HES7: variants seen among roughly 807,000 people sequenced by gnomAD.
HES7 encodes the protein hes family bHLH transcription factor 7.
A neutral mutation model predicts 18.0 loss-of-function variants in HES7; 8 were observed. The observed-to-expected ratio is 0.45, with a 90% confidence interval of 0.26 to 0.80. HES7 has a LOEUF of 0.80. Among genes scored for constraint, HES7 ranks in the 30% least tolerant of loss-of-function variants. HES7 has a pLI of 0.18. For missense variants in HES7, 356 were observed against 340.9 expected, an observed-to-expected ratio of 1.04 and a Z score of -0.35; for synonymous variants, 170 against 158.6, an observed-to-expected ratio of 1.07 and a Z score of -0.54.
At position 8,121,489 on chromosome 17, in the gene HES7, C is replaced by T; in HGVS notation, c.*82G>A. On this transcript the variant is annotated 3_prime_UTR_variant, in exon 4 of 4. Coordinates refer to ENST00000541682, the MANE Select transcript of HES7 (RefSeq NM_001165967.2). Reference sequence around the variant, plus strand: ...ACTGCCCTCCCCAACACCTGCTCGCCCGGACGCCCGGGTCCCTCTGCTGCC... The same window carrying T: ...ACTGCCCTCCCCAACACCTGCTCGCTCGGACGCCCGGGTCCCTCTGCTGCC... 1.6e-6 allele frequency: 2 copies of T among 1,214,516 alleles called. No individual in the cohort carries two copies. The highest frequency in any genetic ancestry group is 2.1e-6 in the Non-Finnish European group (2 of 963,144). 75.2% of individuals were successfully genotyped at this position (1,214,516 alleles called of 1,614,324 possible).
upstream of HES7, among the ~76,000 whole-genome samples, chr17:8,126,341 G>A (rs1325668692): frequency 6.6e-6 from 1 of 152,016 alleles, no homozygotes; most frequent in African/African-American, 2.4e-5. Flanking sequence ...TCTGGTGTTG[G>A]TGGTCTCCTC....
chr17:8,126,100 C>CG (rs1568016836), upstream of HES7, among the ~76,000 whole-genome samples: 8 of 152,096 alleles, frequency 5.3e-5, no homozygotes, highest in South Asian at 1.7e-3. Flanking sequence ...CGGCCCCCCG[C>CG]GGGGGAAGGG....
chr17:8,123,174 G>A lies in HES7; in HGVS notation c.43-48C>T, dbSNP rs1362376415. The A allele has an allele frequency of 2.1e-6, 3 of 1,458,920 alleles. No homozygotes were observed. Among genetic ancestry groups the A allele is most frequent in the East Asian group, 2.5e-5 (1 of 40,760 alleles). The allele number at this position is 1,458,920 out of a possible 1,614,324, so 90.4% of individuals were successfully genotyped here. ...AGCGGGCCGACCAGACCGAGACTCA[G>A]TGCGGCCGCCCCGGCGTCGGATCCC... On this transcript the variant is annotated intron_variant, in intron 1 of 3. Transcript: ENST00000541682. This position sits in a 1 kb window ranked among gnomAD's most constrained non-coding sequence, Gnocchi z 5.9.
In HES7 at chr17:8,122,531, GC is replaced by G; in HGVS notation, c.139-102del. 1 of 823,614 alleles carries G rather than the reference GC, an allele frequency of 1.2e-6. No individual in the cohort carries two copies. Among genetic ancestry groups the G allele is most frequent in the Admixed American group, 2.1e-5 (1 of 46,728 alleles). The allele number at this position is 823,614 out of a possible 1,614,324, so 51.0% of individuals were successfully genotyped here. A position where few individuals can be genotyped will look rare whatever the true frequency, so the allele number is the denominator to read the frequency against. On this transcript the variant is annotated intron_variant, in intron 2 of 3. Transcript: ENST00000541682. This position sits in a 1 kb window ranked among gnomAD's most constrained non-coding sequence, Gnocchi z 6.9. ...AGGGACGGATGCGGGAGCTGGTGGT[GC>G]CCCCGATCGCATTTGCGCACTGCCC... is the stretch of plus-strand genomic sequence containing the variant.
upstream of HES7, chr17:8,124,232 AGAG>A (rs2151854921): frequency 3.2e-6 from 3 of 948,286 alleles, no homozygotes; most frequent in Non-Finnish European, 3.3e-6. Flanking sequence ...GCTCCCGGAA[AGAG>A]GAGGAGTGAA....
At chr17:8,124,177 C>T, upstream of HES7, 1 of 1,470,928 alleles carries the variant, frequency 6.8e-7, no homozygotes, top group Non-Finnish European at 9.4e-7. Context: ...CCCGACCCCG[C>T]CCCCTTCGAC....
In HES7 at chr17:8,122,452, G is replaced by A. The variant is rs1242394354; in HGVS notation, c.139-22C>T. The A allele has an allele frequency of 6.6e-7, 1 of 1,523,226 alleles. No individual in the cohort carries two copies. 94.4% of individuals were successfully genotyped at this position (1,523,226 alleles called of 1,614,324 possible). A position where few individuals can be genotyped will look rare whatever the true frequency, so the allele number is the denominator to read the frequency against. On this transcript the variant is annotated intron_variant, in intron 2 of 3. Transcript: ENST00000541682. This position sits in a 1 kb window ranked among gnomAD's most constrained non-coding sequence, Gnocchi z 6.9. ...GGTTCTACAGACGGGAGGGGAGGGC[G>A]CAGAGACAGAAAGGGGTGGGGAGAA...
rs1050996657 is a variant in HES7 at position 8,122,783 on chromosome 17, G to A, written c.138+248C>T. Among the ~76,000 whole-genome samples, 12 of 152,190 alleles carry A rather than the reference G, an allele frequency of 7.9e-5. No individual in the cohort carries two copies. The highest frequency in any genetic ancestry group is 1.8e-4 in the Non-Finnish European group (12 of 68,026). ...AACCGGACACTTAGAGACCCAAAGG[G>A]TGAAACTGACCGACCCCGGGAGCGA... On this transcript the variant is annotated intron_variant, in intron 2 of 3. Coordinates refer to ENST00000541682, the MANE Select transcript of HES7 (RefSeq NM_001165967.2). The surrounding 1 kb of genome is among the most constrained non-coding windows in gnomAD (Gnocchi z 6.9).
rs557491759 is a variant in HES7 at position 8,122,692 on chromosome 17, G to A, written c.139-262C>T. On this transcript the variant is annotated intron_variant, in intron 2 of 3. Coordinates refer to ENST00000541682, the MANE Select transcript of HES7 (RefSeq NM_001165967.2). The surrounding 1 kb of genome is among the most constrained non-coding windows in gnomAD (Gnocchi z 6.9). ...GAGGAGATTTGAAACCGCAACCCAG[G>A]GAATGAAATTAACCACCCGACATAA... Among the ~76,000 whole-genome samples, 3 of 152,262 alleles carry A rather than the reference G, an allele frequency of 2.0e-5. No individual in the cohort carries two copies. The highest frequency in any genetic ancestry group is 3.9e-4 in the East Asian group (2 of 5,184).
Position 8,124,068 on chromosome 17 carries a change from C to A in HES7, c.17G>T (p.Arg6Leu). MVTRD[R>L]AENRDGPKML... is the part of the protein sequence containing the mutation. ...CTTGGGGCCGTCCCTATTCTCAGCT[C>A]GATCCCGGGTGACCATTGCTCCTCC... Residue 6 changes from arginine to leucine, a missense_variant, in exon 1 of 4, where the codon CGA becomes CTA. Coordinates refer to ENST00000541682, the MANE Select transcript of HES7 (RefSeq NM_001165967.2). 1 of 1,614,072 alleles carries A rather than the reference C, an allele frequency of 6.2e-7. No homozygotes were observed. The highest frequency in any genetic ancestry group is 8.5e-7 in the Non-Finnish European group (1 of 1,180,026).
chr17:8,122,494 G>C lies in HES7; in HGVS notation c.139-64C>G, dbSNP rs889206497. Reference sequence around the variant, plus strand: ...TGGGGAGAAAGGGGGAAAGTGGCAGGGGGAAGAAGGGAGGGACGGATGCGG... The same window carrying C: ...TGGGGAGAAAGGGGGAAAGTGGCAGCGGGAAGAAGGGAGGGACGGATGCGG... On this transcript the variant is annotated intron_variant, in intron 2 of 3. Transcript: ENST00000541682. This position sits in a 1 kb window ranked among gnomAD's most constrained non-coding sequence, Gnocchi z 6.9. 6.1e-6 allele frequency: 7 copies of C among 1,141,446 alleles called. No individual in the cohort carries two copies. The highest frequency in any genetic ancestry group is 9.0e-6 in the Non-Finnish European group (7 of 776,030). The allele number at this position is 1,141,446 out of a possible 1,614,324, so 70.7% of individuals were successfully genotyped here. A position where few individuals can be genotyped will look rare whatever the true frequency, so the allele number is the denominator to read the frequency against.
chr17:8,124,174 C>A, upstream of HES7: 1 of 1,511,360 alleles, frequency 6.6e-7, no homozygotes, highest in Non-Finnish European at 9.1e-7. Context: ...GGACCCGACC[C>A]CGCCCCCTTC....
chr17:8,121,488 C>T lies in HES7; in HGVS notation c.*83G>A. On this transcript the variant is annotated 3_prime_UTR_variant, in exon 4 of 4. Transcript: ENST00000541682. ...CACTGCCCTCCCCAACACCTGCTCG[C>T]CCGGACGCCCGGGTCCCTCTGCTGC... The T allele has an allele frequency of 8.3e-7, 1 of 1,210,158 alleles. No homozygotes were observed. The highest frequency in any genetic ancestry group is 1.0e-6 in the Non-Finnish European group (1 of 959,162). The allele number at this position is 1,210,158 out of a possible 1,614,324, so 75.0% of individuals were successfully genotyped here.
Position 8,122,373 on chromosome 17 carries a change from A to G in HES7, c.196T>C (p.Leu66=). 6.3e-7 allele frequency: 1 copy of G among 1,598,682 alleles called. No individual in the cohort carries two copies. The highest frequency in any genetic ancestry group is 1.1e-5 in the South Asian group (1 of 88,260). Residue 66 remains leucine (L), a synonymous_variant, in exon 3 of 4, where the codon TTG becomes CTG. Coordinates refer to ENST00000541682, the MANE Select transcript of HES7 (RefSeq NM_001165967.2). This position sits in a 1 kb window ranked among gnomAD's most constrained non-coding sequence, Gnocchi z 6.9. ...AEILEFAVGY[L]RERSRVEPPA... is the part of the protein sequence containing the mutation. ...GGCTCCACCCGGCTTCGCTCCCTCA[A>G]GTAGCCCACGGCGAACTCCAATATC...
chr17:8,125,237 CG>C (rs1981549053), upstream of HES7, among the ~76,000 whole-genome samples: 1 of 152,132 alleles, frequency 6.6e-6, no homozygotes, highest in Non-Finnish European at 1.5e-5. Context: ...CAGACCGAGA[CG>C]GAAGACAGCT....
chr17:8,123,318 G>T lies in HES7; in HGVS notation c.43-192C>A. ...GCCCCTAGATCAGTTTCTGTAGCTCGCCTCCCCGGATCTTCGCATTCTCCT... is the reference window on the plus strand; with the variant it reads ...GCCCCTAGATCAGTTTCTGTAGCTCTCCTCCCCGGATCTTCGCATTCTCCT... On this transcript the variant is annotated intron_variant, in intron 1 of 3. Transcript: ENST00000541682. The surrounding 1 kb of genome is among the most constrained non-coding windows in gnomAD (Gnocchi z 5.9). The T allele has an allele frequency of 1.6e-6, 1 of 607,826 alleles. No homozygotes were observed. The highest frequency in any genetic ancestry group is 2.8e-5 in the East Asian group (1 of 36,178). 37.7% of individuals were successfully genotyped at this position (607,826 alleles called of 1,614,324 possible). A position where few individuals can be genotyped will look rare whatever the true frequency, so the allele number is the denominator to read the frequency against.
In HES7 at chr17:8,124,090, C is replaced by T. The variant is rs373443343; in HGVS notation, c.-6G>A. On this transcript the variant is annotated 5_prime_UTR_variant, in exon 1 of 4. Coordinates refer to ENST00000541682, the MANE Select transcript of HES7 (RefSeq NM_001165967.2). ...GCTCGATCCCGGGTGACCATTGCTC[C>T]TCCGGACCCTGTGTGGACCGGTTCC... is the stretch of plus-strand genomic sequence containing the variant. 1.2e-6 allele frequency: 2 copies of T among 1,613,984 alleles called. No individual in the cohort carries two copies. Among genetic ancestry groups the T allele is most frequent in the African/African-American group, 1.3e-5 (1 of 74,940 alleles).
rs992960584 is a variant in HES7, at chr17:8,123,648, T to C, written c.42+395A>G. 2.1e-4 allele frequency: 81 copies of C among 390,616 alleles called. No homozygotes were observed. The highest frequency in any genetic ancestry group is 1.6e-3 in the African/African-American group (77 of 49,026). 24.2% of individuals were successfully genotyped at this position (390,616 alleles called of 1,614,324 possible). A position where few individuals can be genotyped will look rare whatever the true frequency, so the allele number is the denominator to read the frequency against. On this transcript the variant is annotated intron_variant, in intron 1 of 3. Coordinates refer to ENST00000541682, the MANE Select transcript of HES7 (RefSeq NM_001165967.2). The surrounding 1 kb of genome is among the most constrained non-coding windows in gnomAD (Gnocchi z 5.9). The stretch of plus-strand genomic sequence containing the variant: ...GGAACCAACGCCCCGGGACCTTCTG[T>C]ACAAGACCGCCTTGGGCCAGCCCCG...
In HES7 at chr17:8,123,840, C is replaced by T. The variant is rs1981486711; in HGVS notation, c.42+203G>A. ...ACCGAGGCCCCTAGTCCTATGTTCCCGCCGCCCACTCAGGTCTGGCTCTGA... is the reference window on the plus strand; with the variant it reads ...ACCGAGGCCCCTAGTCCTATGTTCCTGCCGCCCACTCAGGTCTGGCTCTGA... On this transcript the variant is annotated intron_variant, in intron 1 of 3. Transcript: ENST00000541682. This position sits in a 1 kb window ranked among gnomAD's most constrained non-coding sequence, Gnocchi z 5.9. Among the ~76,000 whole-genome samples the T allele has an allele frequency of 6.6e-6, 1 of 152,216 alleles. No individual in the cohort carries two copies. The highest frequency in any genetic ancestry group is 2.4e-5 in the African/African-American group (1 of 41,464).
Sources: allele counts gnomAD v4.1 joint callset (sites outside exome capture counted in the v4.1 genomes callset), GRCh38; gene constraint gnomAD v4.1.1; non-coding constraint Gnocchi (gnomAD v3.1); transcripts MANE v1.5; gene names NCBI Gene and HGNC (gene_info 2026-07-23, HGNC 2026-07-21).